FAM222B: variants seen among roughly 807,000 people sequenced by gnomAD.
FAM222B encodes the protein family with sequence similarity 222 member B.
A neutral mutation model predicts 38.0 loss-of-function variants in FAM222B; 12 were observed. The observed-to-expected ratio is 0.32, with a 90% CI of 0.20 to 0.51. The LOEUF is 0.51. Among genes scored for constraint, FAM222B ranks in the 20% least tolerant of loss-of-function variants. The probability of loss-of-function intolerance (pLI) is 0.97; values close to 1 mark genes in which losing one functional copy is unlikely to be tolerated. For missense variants in FAM222B, 716 were observed against 754.2 expected (o/e 0.95, Z 0.59); for synonymous variants, 329 against 317.2 (o/e 1.04, Z -0.40).
At chr17:28,828,132 CAG>C (rs934229078) in intron 1 of FAM222B, among the ~76,000 whole-genome samples, 1 of 88,136 alleles carries the variant, frequency 1.1e-5, no homozygotes, top group Non-Finnish European at 2.0e-5. Context: ...TTTTTTGAGA[CAG>C]AGTTTCACTC....
intron 1 of FAM222B, among the ~76,000 whole-genome samples, chr17:28,840,771 G>A (rs1394865697): frequency 1.3e-5 from 2 of 151,614 alleles, no homozygotes; most frequent in East Asian, 1.9e-4. Flanking sequence ...AGCCTGTCCA[G>A]CAATGGAGAA....
chr17:28,786,489 C>T (rs115271563), intron 1 of FAM222B, among the ~76,000 whole-genome samples: 106 of 152,298 alleles, frequency 7.0e-4, no homozygotes, highest in African/African-American at 2.4e-3. Flanking sequence ...AATCCTAGCA[C>T]AGAAAACCCT....
chr17:28,810,751 A>C (rs1227690919), intron 1 of FAM222B, among the ~76,000 whole-genome samples: 1 of 152,228 alleles, frequency 6.6e-6, no homozygotes, highest in African/African-American at 2.4e-5. Flanking sequence ...AGGTATTTGA[A>C]ATCTTCTTTT....
intron 1 of FAM222B, among the ~76,000 whole-genome samples, chr17:28,852,328 C>T (rs1248913082): frequency 2.6e-5 from 4 of 151,870 alleles, no homozygotes; most frequent in Admixed American, 6.6e-5. Flanking sequence ...TGCACTCCAG[C>T]CTGGGCGACA....
intron 1 of FAM222B, among the ~76,000 whole-genome samples, chr17:28,770,276 G>T (rs183429788): frequency 2.6e-5 from 4 of 152,142 alleles, no homozygotes; most frequent in Admixed American, 1.3e-4. Context: ...CATATAAAAG[G>T]CAGATTGTTA....
intron 1 of FAM222B, among the ~76,000 whole-genome samples, chr17:28,827,001 G>C (rs928534131): frequency 2.0e-5 from 3 of 151,788 alleles, no homozygotes; most frequent in Non-Finnish European, 4.4e-5. Context: ...TTTTTCATTA[G>C]CCAGGCACAG....
rs543530555 is a variant in FAM222B at position 28,801,161 on chromosome 17, A to G, written c.-40-34454T>C. On this transcript the variant is annotated intron_variant, in intron 1 of 2. Transcript: ENST00000581407. ...GACAGAGCGAGACTCCGTCTCAAAG[A>G]AAAAAAAAAAGACCAGGCGCAGTGG... 8.8e-4 allele frequency among the ~76,000 whole-genome samples: 123 copies of G among 139,428 alleles called. 1 individual carries two copies. The highest frequency in any genetic ancestry group is 3.8e-4 in the Non-Finnish European group (25 of 65,466). 91.5% of individuals were successfully genotyped at this position (139,428 alleles called of 152,430 possible).
intron 1 of FAM222B, among the ~76,000 whole-genome samples, chr17:28,787,539 G>C (rs1482395939): frequency 6.6e-6 from 1 of 151,896 alleles, no homozygotes; most frequent in Admixed American, 6.6e-5. Context: ...TGAAGCTAAA[G>C]GGTCTCTGAA....
At chr17:28,831,762 C>T (rs936948717) in intron 1 of FAM222B, among the ~76,000 whole-genome samples, 1 of 151,960 alleles carries the variant, frequency 6.6e-6, no homozygotes, top group African/African-American at 2.4e-5. Context: ...AGCAATACAC[C>T]CACCTCTGCC....
At position 28,757,499 on chromosome 17, in the gene FAM222B, T is replaced by C. The variant is rs1260163896; in HGVS notation, c.*771A>G. ...GGAAAGGATAGGGGCTGTGGGGAGG[T>C]GAGTTAGGGGACAGGCAACAGTGAG... On this transcript the variant is annotated 3_prime_UTR_variant, in exon 3 of 3. Transcript: ENST00000581407. 1 of 149,380 alleles carries C rather than the reference T, an allele frequency of 6.7e-6. No homozygotes were observed. Among genetic ancestry groups the C allele is most frequent in the African/African-American group, 2.5e-5 (1 of 40,382 alleles). The allele number at this position is 149,380 out of a possible 1,614,324, so 9.3% of individuals were successfully genotyped here.
At chr17:28,779,595 C>A (rs2036070343) in intron 1 of FAM222B, among the ~76,000 whole-genome samples, 1 of 151,590 alleles carries the variant, frequency 6.6e-6, no homozygotes, top group African/African-American at 2.4e-5. Context: ...ACTAAAAATA[C>A]AAAAAATTAG....
chr17:28,767,747 A>G (rs2035411885), intron 1 of FAM222B, among the ~76,000 whole-genome samples: 1 of 152,196 alleles, frequency 6.6e-6, no homozygotes, highest in Non-Finnish European at 1.5e-5. Context: ...AAGTGCTGTG[A>G]TTACAGTCAT....
intron 1 of FAM222B, among the ~76,000 whole-genome samples, chr17:28,820,551 C>T (rs574540080): frequency 6.6e-6 from 1 of 152,294 alleles, no homozygotes; most frequent in East Asian, 1.9e-4. Context: ...AAGTCACTCC[C>T]ATCAGGCCTT....
chr17:28,757,876 G>A lies in FAM222B; in HGVS notation c.*394C>T, dbSNP rs1212796631. The A allele has an allele frequency of 1.2e-5, 2 of 165,506 alleles. No individual in the cohort carries two copies. The highest frequency in any genetic ancestry group is 2.6e-5 in the Non-Finnish European group (2 of 76,572). 10.3% of individuals were successfully genotyped at this position (165,506 alleles called of 1,614,324 possible). The stretch of plus-strand genomic sequence containing the variant: ...GGAAGGGGGGTAGCAACAGGTAGAG[G>A]TCTGGATTAGGGGCCTGAGCACCTA... On this transcript the variant is annotated 3_prime_UTR_variant, in exon 3 of 3. Transcript: ENST00000581407.
chr17:28,823,539 C>T (rs1327590133), intron 1 of FAM222B, among the ~76,000 whole-genome samples: 2 of 152,182 alleles, frequency 1.3e-5, no homozygotes, highest in East Asian at 1.9e-4. Context: ...TGTGCCACCA[C>T]AAACAGCTAA....
Position 28,759,974 on chromosome 17 carries a change from G to A in FAM222B, c.83-98C>T. On this transcript the variant is annotated intron_variant, in intron 2 of 2. Transcript: ENST00000581407. The surrounding 1 kb of genome is among the most constrained non-coding windows in gnomAD (Gnocchi z 4.8). ...CAGATTCCCCTTTTGAGGGCCTGGG[G>A]TGGGGTGGGGAAATGACTAGATTGT... 1 of 1,214,626 alleles carries A rather than the reference G, an allele frequency of 8.2e-7. No individual in the cohort carries two copies. Among genetic ancestry groups the A allele is most frequent in the Non-Finnish European group, 1.1e-6 (1 of 884,762 alleles). 75.2% of individuals were successfully genotyped at this position (1,214,626 alleles called of 1,614,324 possible).
chr17:28,774,160 T>C (rs2035774645), intron 1 of FAM222B, among the ~76,000 whole-genome samples: 1 of 151,776 alleles, frequency 6.6e-6, no homozygotes. Flanking sequence ...TTTTTTTTTT[T>C]CCTGGACAGA....
chr17:28,845,130 G>T (rs927057388), upstream of FAM222B, among the ~76,000 whole-genome samples: 1 of 149,942 alleles, frequency 6.7e-6, no homozygotes, highest in African/African-American at 2.5e-5. Context: ...GGCCGGGCGC[G>T]GTGGCTCAGG....
intron 1 of FAM222B, among the ~76,000 whole-genome samples, chr17:28,809,851 G>A (rs1047773763): frequency 1.3e-5 from 2 of 152,018 alleles, no homozygotes; most frequent in African/African-American, 4.8e-5. Context: ...AAAAAAGTGA[G>A]TGAAGTATAA....
Sources: allele counts gnomAD v4.1 joint callset (sites outside exome capture counted in the v4.1 genomes callset), GRCh38; gene constraint gnomAD v4.1.1; non-coding constraint Gnocchi (gnomAD v3.1); transcripts MANE v1.5; gene names NCBI Gene and HGNC (gene_info 2026-07-23, HGNC 2026-07-21).